PDE4B: variants seen among roughly 807,000 people sequenced by gnomAD.
PDE4B encodes phosphodiesterase 4B, also known as 3',5'-cyclic-AMP phosphodiesterase 4B.
PDE4B carries 20 observed loss-of-function variants against 82.2 expected under a neutral mutation model. The observed-to-expected ratio is 0.24, with a 90% CI of 0.17 to 0.35. The LOEUF is 0.35. PDE4B is among the 10% of genes least tolerant of loss of function. The pLI is 1.00. For missense variants in PDE4B, 655 were observed against 907.2 expected (o/e 0.72, Z 3.57); for synonymous variants, 320 against 318.9 (o/e 1.00, Z -0.04).
intron 7 of PDE4B, among the ~76,000 whole-genome samples, chr1:66,295,913 C>G (rs1278114186): frequency 2.6e-5 from 4 of 152,162 alleles, no homozygotes; most frequent in Non-Finnish European, 4.4e-5. Context: ...GCACTCCATC[C>G]TTCACACTAA....
intron 1 of PDE4B, among the ~76,000 whole-genome samples, chr1:65,823,971 T>A (rs1645985504): frequency 6.6e-6 from 1 of 152,214 alleles, no homozygotes; most frequent in Non-Finnish European, 1.5e-5. Context: ...TTTCCCTTGT[T>A]CTCTTGACCA....
chr1:65,853,519 G>C (rs950143997), intron 1 of PDE4B, among the ~76,000 whole-genome samples: 1 of 149,656 alleles, frequency 6.7e-6, no homozygotes, highest in African/African-American at 2.4e-5. Context: ...ATTAGCTTAT[G>C]CATTATAACC....
chr1:65,975,658 G>A (rs1650366344), intron 3 of PDE4B, among the ~76,000 whole-genome samples: 1 of 152,164 alleles, frequency 6.6e-6, no homozygotes, highest in African/African-American at 2.4e-5. Flanking sequence ...CCAGGGCCCT[G>A]TTGCTGTCTG....
intron 3 of PDE4B, among the ~76,000 whole-genome samples, chr1:66,079,867 T>G (rs952330969): frequency 6.6e-6 from 1 of 152,156 alleles, no homozygotes; most frequent in African/African-American, 2.4e-5. Context: ...GTAGAAGATC[T>G]TCCTCAAAGA....
intron 7 of PDE4B, among the ~76,000 whole-genome samples, chr1:66,286,260 T>TTTTACATTTTGTA (rs1553166577): frequency 5.3e-5 from 8 of 152,272 alleles, no homozygotes; most frequent in African/African-American, 1.9e-4. Context: ...TTTTTGTATG[T>TTTTACATTTTGTA]TTTGTTTTAC....
intron 3 of PDE4B, among the ~76,000 whole-genome samples, chr1:66,100,301 C>A (rs1000468242): frequency 2.0e-5 from 3 of 152,042 alleles, no homozygotes; most frequent in African/African-American, 7.2e-5. Flanking sequence ...GATCAGCCCG[C>A]CTTGGCCTCC....
intron 3 of PDE4B, among the ~76,000 whole-genome samples, chr1:66,114,798 G>A (rs1029571877): frequency 1.5e-4 from 23 of 151,968 alleles, no homozygotes; most frequent in African/African-American, 4.8e-4. Context: ...ACCACACCTG[G>A]CTGATTTTTG....
At chr1:66,015,071 A>C (rs1245475610) in intron 3 of PDE4B, among the ~76,000 whole-genome samples, 1 of 152,144 alleles carries the variant, frequency 6.6e-6, no homozygotes, top group Non-Finnish European at 1.5e-5. Context: ...ATATACATCC[A>C]GTTAGGTTTT....
chr1:66,163,850 G>A (rs1205018489), intron 3 of PDE4B, among the ~76,000 whole-genome samples: 1 of 152,130 alleles, frequency 6.6e-6, no homozygotes, highest in Non-Finnish European at 1.5e-5. Context: ...ACTGGTGTGT[G>A]ACTTACTGCT....
At chr1:66,214,132 T>C (rs1173732560) in intron 3 of PDE4B, among the ~76,000 whole-genome samples, 1 of 152,170 alleles carries the variant, frequency 6.6e-6, no homozygotes. Context: ...AACATCCCAT[T>C]TTTCTCAAGT....
intron 3 of PDE4B, among the ~76,000 whole-genome samples, chr1:66,026,361 G>A (rs1185281486): frequency 2.0e-5 from 3 of 152,136 alleles, no homozygotes; most frequent in Non-Finnish European, 4.4e-5. Context: ...CTAACATTGT[G>A]CCTCATGTCC....
chr1:66,357,201 A>G (rs1316881110), intron 9 of PDE4B, among the ~76,000 whole-genome samples: 1 of 152,168 alleles, frequency 6.6e-6, no homozygotes, highest in African/African-American at 2.4e-5. Flanking sequence ...GACACTCACT[A>G]CTGGAGTTAA....
In PDE4B at chr1:65,823,396, T is replaced by TAA. The variant is rs35854326; in HGVS notation, c.-71+30174_-71+30175dup. ...GGCCGACAGAGTGAGACTCCATCTC[T>TAA]AAAAAAAAAAAAAAAAAAAAAAAAA... On this transcript the variant is annotated intron_variant, in intron 1 of 16. Transcript: ENST00000341517. 1.7e-4 allele frequency among the ~76,000 whole-genome samples: 12 copies of TAA among 70,424 alleles called. No homozygotes were observed. In the South Asian group the frequency reaches 2.2e-3, roughly 13 times the overall value. 46.2% of individuals were successfully genotyped at this position (70,424 alleles called of 152,430 possible). A position where few individuals can be genotyped will look rare whatever the true frequency, so the allele number is the denominator to read the frequency against.
chr1:66,159,519 G>A (rs993341768), intron 3 of PDE4B, among the ~76,000 whole-genome samples: 3 of 151,994 alleles, frequency 2.0e-5, no homozygotes, highest in Non-Finnish European at 2.9e-5. Context: ...GGGATTACAG[G>A]CATGAGCCAC....
chr1:66,289,541 G>A (rs539469150), intron 7 of PDE4B, among the ~76,000 whole-genome samples: 2 of 152,012 alleles, frequency 1.3e-5, no homozygotes, highest in East Asian at 1.9e-4. Context: ...AAAGAAGGCC[G>A]GTGTGGCTGG....
intron 3 of PDE4B, among the ~76,000 whole-genome samples, chr1:65,972,051 G>A (rs943634389): frequency 6.6e-6 from 1 of 152,120 alleles, no homozygotes; most frequent in Non-Finnish European, 1.5e-5. Context: ...TTCCTAGGCA[G>A]ACTAGGTAGA....
chr1:66,129,454 G>A (rs1212598223), intron 3 of PDE4B, among the ~76,000 whole-genome samples: 1 of 151,506 alleles, frequency 6.6e-6, no homozygotes, highest in Non-Finnish European at 1.5e-5. Flanking sequence ...TCAGGAGATC[G>A]AGACCATCCC....
chr1:66,029,088 A>G (rs1425008357), intron 3 of PDE4B, among the ~76,000 whole-genome samples: 2 of 152,222 alleles, frequency 1.3e-5, no homozygotes, highest in African/African-American at 4.8e-5. Flanking sequence ...AAGACTGGGA[A>G]GGAAAAAAAG....
intron 3 of PDE4B, among the ~76,000 whole-genome samples, chr1:65,933,306 C>T (rs927904423): frequency 6.6e-6 from 1 of 151,454 alleles, no homozygotes; most frequent in African/African-American, 2.4e-5. Context: ...ATGATATATT[C>T]AAAGTGCTGA....
Sources: gnomAD v4.1 joint callset for allele counts (sites outside exome capture counted in the v4.1 genomes callset) on GRCh38, gnomAD v4.1.1 for gene constraint, MANE v1.5 for transcripts, NCBI Gene and HGNC (gene_info 2026-07-23, HGNC 2026-07-21) for gene names.